DCC: variants seen among roughly 807,000 people sequenced by gnomAD.
DCC encodes netrin receptor DCC.
DCC carries 58 observed loss-of-function variants against 172.5 expected under a neutral mutation model. The ratio of observed to expected loss-of-function variants is 0.34; its 90% CI spans 0.27 to 0.42. The LOEUF (loss-of-function observed/expected upper bound fraction) is 0.42. DCC is among the 10% of genes least tolerant of loss of function. The pLI is 1.00. For synonymous variants in DCC, 709 were observed against 644.5 expected, an observed-to-expected ratio of 1.10 and a Z score of -1.52; for missense variants, 1,740 against 1,791.0, an observed-to-expected ratio of 0.97 and a Z score of 0.51.
chr18:53,299,173 G>T (rs1209433967), intron 12 of DCC, among the ~76,000 whole-genome samples: 2 of 152,166 alleles, frequency 1.3e-5, no homozygotes, highest in Non-Finnish European at 2.9e-5. Flanking sequence ...GAATAGATGG[G>T]CTTGTGTGTA....
chr18:53,129,053 A>G (rs758127439), intron 7 of DCC, among the ~76,000 whole-genome samples: 1 of 151,446 alleles, frequency 6.6e-6, no homozygotes, highest in Non-Finnish European at 1.5e-5. Flanking sequence ...TGCCTGGCTA[A>G]TTTTTGTGTT....
At chr18:53,251,446 A>T (rs1486277797) in intron 12 of DCC, among the ~76,000 whole-genome samples, 1 of 151,978 alleles carries the variant, frequency 6.6e-6, no homozygotes, top group African/African-American at 2.4e-5. Flanking sequence ...TGTCCTATGG[A>T]TATAACTAAC....
At chr18:53,069,526 C>A (rs1237627692) in intron 7 of DCC, among the ~76,000 whole-genome samples, 1 of 151,790 alleles carries the variant, frequency 6.6e-6, no homozygotes, top group Non-Finnish European at 1.5e-5. Flanking sequence ...CGCAGGTCAG[C>A]CAGAGAGTGC....
chr18:53,147,964 A>G (rs1302597609), intron 7 of DCC, among the ~76,000 whole-genome samples: 1 of 152,204 alleles, frequency 6.6e-6, no homozygotes, highest in Non-Finnish European at 1.5e-5. Flanking sequence ...GAGTAGCTTA[A>G]ACCTTTAGTT....
At chr18:52,541,875 G>GTGTATATATA (rs1555695194) in intron 1 of DCC, among the ~76,000 whole-genome samples, 10 of 115,198 alleles carry the variant, frequency 8.7e-5, no homozygotes, top group South Asian at 2.9e-4. Flanking sequence ...GTGTGTGTGT[G>GTGTATATATA]TATATATATA....
chr18:52,591,926 C>T (rs765103035), intron 1 of DCC, among the ~76,000 whole-genome samples: 9 of 151,768 alleles, frequency 5.9e-5, no homozygotes, highest in East Asian at 5.8e-4. Flanking sequence ...CCAGGATTAC[C>T]GGTGTAAGCT....
chr18:53,283,983 G>A (rs145536716), intron 12 of DCC, among the ~76,000 whole-genome samples: 51 of 152,244 alleles, frequency 3.3e-4, no homozygotes, highest in Non-Finnish European at 4.4e-4. Context: ...CTATGAATAC[G>A]TTCCATGTAT....
chr18:53,109,057 C>A (rs1191177699), intron 7 of DCC, among the ~76,000 whole-genome samples: 1 of 151,208 alleles, frequency 6.6e-6, no homozygotes, highest in East Asian at 2.0e-4. Context: ...ACTCTATATT[C>A]TCATAAACAC....
chr18:52,393,425 T>A (rs1056882902), intron 1 of DCC, among the ~76,000 whole-genome samples: 2 of 152,088 alleles, frequency 1.3e-5, no homozygotes, highest in Admixed American at 1.3e-4. Context: ...AAATCTTGAA[T>A]CAGAAACTCT....
In DCC at chr18:53,455,886, T is replaced by C. The variant is rs1311151556; in HGVS notation, c.3393-3346T>C. Among the ~76,000 whole-genome samples the C allele has an allele frequency of 2.6e-5, 4 of 152,232 alleles. No homozygotes were observed. In the East Asian group the frequency reaches 7.7e-4, roughly 29 times the overall value. On this transcript the variant is annotated intron_variant, in intron 23 of 28. Transcript: ENST00000442544. ...AAGCTTTCAATGCCTCCCTGATCTTTACATTTGTAGTACTTAGCACATTTC... is the reference window on the plus strand; with the variant it reads ...AAGCTTTCAATGCCTCCCTGATCTTCACATTTGTAGTACTTAGCACATTTC...
chr18:52,621,460 A>C (rs1471282794), intron 1 of DCC, among the ~76,000 whole-genome samples: 1 of 152,130 alleles, frequency 6.6e-6, no homozygotes, highest in Admixed American at 6.6e-5. Context: ...GCCTTTCTCC[A>C]CTGCCTTATT....
chr18:52,886,473 GC>G (rs1247143727), intron 2 of DCC, among the ~76,000 whole-genome samples: 2 of 152,152 alleles, frequency 1.3e-5, no homozygotes, highest in African/African-American at 4.8e-5. Context: ...TCCCCCAGTC[GC>G]TGTGCTGTCT....
chr18:53,385,714 A>G (rs1486706910), intron 15 of DCC, among the ~76,000 whole-genome samples: 1 of 152,224 alleles, frequency 6.6e-6, no homozygotes, highest in African/African-American at 2.4e-5. Context: ...GACAACAAAC[A>G]GATGATGAGG....
intron 2 of DCC, among the ~76,000 whole-genome samples, chr18:52,856,558 G>A (rs1706177380): frequency 2.1e-5 from 3 of 144,294 alleles, no homozygotes; most frequent in African/African-American, 2.5e-5. Flanking sequence ...CCCGGGAGGC[G>A]GAGCTTGCAG....
chr18:52,385,189 G>A (rs1429471995), intron 1 of DCC, among the ~76,000 whole-genome samples: 1 of 152,094 alleles, frequency 6.6e-6, no homozygotes, highest in Non-Finnish European at 1.5e-5. Context: ...TTGTCTGGGT[G>A]CTCTATTTTC....
chr18:52,806,035 T>C (rs1157261874), intron 2 of DCC, among the ~76,000 whole-genome samples: 1 of 152,236 alleles, frequency 6.6e-6, no homozygotes, highest in African/African-American at 2.4e-5. Context: ...TTTAGGCATA[T>C]TTGAAATATA....
chr18:53,225,569 G>T (rs946019765), intron 12 of DCC, among the ~76,000 whole-genome samples: 1 of 152,084 alleles, frequency 6.6e-6, no homozygotes, highest in African/African-American at 2.4e-5. Flanking sequence ...GTCAATTTGA[G>T]CTGCAGAGAC....
At chr18:53,523,510 A>G (rs1465757223) in intron 27 of DCC, among the ~76,000 whole-genome samples, 1 of 152,226 alleles carries the variant, frequency 6.6e-6, no homozygotes, top group East Asian at 1.9e-4. Flanking sequence ...AACCAACCCA[A>G]ATGCCCATCA....
At chr18:52,813,909 C>A (rs2038243563) in intron 2 of DCC, among the ~76,000 whole-genome samples, 1 of 152,166 alleles carries the variant, frequency 6.6e-6, no homozygotes, top group African/African-American at 2.4e-5. Flanking sequence ...CAAATTGGAA[C>A]TTTTACTATC....
Sources: gnomAD v4.1 joint callset for allele counts (sites outside exome capture counted in the v4.1 genomes callset) on GRCh38, gnomAD v4.1.1 for gene constraint, MANE v1.5 for transcripts, NCBI Gene and HGNC (gene_info 2026-07-23, HGNC 2026-07-21) for gene names.